The following AFF3 variants were observed in gnomAD, a reference collection of about 807,000 sequenced individuals.
AFF3 encodes the protein ALF transcription elongation factor 3, also known as AF4/FMR2 family member 3.
In AFF3, 32 loss-of-function variants were observed where a neutral mutation model predicts 129.7. The ratio of observed to expected loss-of-function variants is 0.25; its 90% CI spans 0.19 to 0.33. The LOEUF (loss-of-function observed/expected upper bound fraction) is 0.33, where lower values mean the gene tolerates loss of function less well. Among genes scored for constraint, AFF3 ranks in the 10% least tolerant of loss-of-function variants. AFF3 has a pLI of 1.00. For synonymous variants in AFF3, 644 were observed against 635.4 expected (o/e 1.01, Z -0.20); for missense variants, 1,373 against 1,592.0 (o/e 0.86, Z 2.34).
chr2:99,911,184 G>A (rs998810177), intron 7 of AFF3, among the ~76,000 whole-genome samples: 4 of 152,076 alleles, frequency 2.6e-5, no homozygotes, highest in African/African-American at 9.7e-5. Flanking sequence ...TTTGACAATC[G>A]ATTGACCTGT....
chr2:99,799,075 C>A (rs1685747899), intron 8 of AFF3, among the ~76,000 whole-genome samples: 1 of 151,874 alleles, frequency 6.6e-6, no homozygotes. Context: ...ATGCCAGCAA[C>A]TAGTAAATAT....
intron 4 of AFF3, among the ~76,000 whole-genome samples, chr2:100,022,421 T>C (rs1343369388): frequency 6.6e-6 from 1 of 152,170 alleles, no homozygotes. Context: ...CCCACTTTTT[T>C]TTCGGGGGAG....
At chr2:99,762,497 A>G (rs1292781241) in intron 8 of AFF3, among the ~76,000 whole-genome samples, 1 of 152,214 alleles carries the variant, frequency 6.6e-6, no homozygotes, top group African/African-American at 2.4e-5. Flanking sequence ...CACTATCAGA[A>G]TATTTTTAAA....
At chr2:100,040,488 A>T (rs559208671) in intron 4 of AFF3, among the ~76,000 whole-genome samples, 5 of 152,322 alleles carry the variant, frequency 3.3e-5, no homozygotes, top group Non-Finnish European at 7.4e-5. Flanking sequence ...GGAAAACAAG[A>T]TCATGAATCC....
rs761561601 is a variant in AFF3, at chr2:99,601,468, C to G, written c.1338G>C (p.Glu446Asp). 31 of 1,609,158 alleles carry G rather than the reference C, an allele frequency of 1.9e-5. No individual in the cohort carries two copies. Among genetic ancestry groups the G allele is most frequent in the Non-Finnish European group, 2.6e-5 (31 of 1,177,638 alleles). ...TGGAGAAGTGGGGGGGCTTGCTGCC[C>G]TCACTCTCGCTGGAGCTGCTCTCGG... Reference protein sequence around the residue: ...SETESSSSESEGSKPPHFSSP... With the variant: ...SETESSSSESDGSKPPHFSSP... Residue 446 changes from glutamate (E) to aspartate (D), a missense_variant, in exon 14 of 25, where the codon GAG (glutamate) becomes GAC (aspartate). By Grantham distance (45) the Glu-to-Asp change is conservative (BLOSUM62 2). This residue lies in a region of AFF3 where 413 missense variants were observed against 424.4 expected (regional missense o/e 0.97). Transcript: ENST00000672756.
chr2:99,812,118 A>G (rs1686836775), intron 8 of AFF3, among the ~76,000 whole-genome samples: 1 of 152,164 alleles, frequency 6.6e-6, no homozygotes, highest in Non-Finnish European at 1.5e-5. Flanking sequence ...GCCCAATGCA[A>G]AGAGATGCCC....
chr2:99,674,307 G>T (rs924472856), intron 11 of AFF3, among the ~76,000 whole-genome samples: 1 of 152,192 alleles, frequency 6.6e-6, no homozygotes, highest in Non-Finnish European at 1.5e-5. Flanking sequence ...ACCTCTTGGT[G>T]ATTTATTAGA....
At chr2:100,111,383 CT>C (rs759924332) in intron 2 of AFF3, among the ~76,000 whole-genome samples, 79 of 152,386 alleles carry the variant, frequency 5.2e-4, no homozygotes, top group Admixed American at 7.8e-4. Context: ...ATCTTGACTA[CT>C]TCTGAGTTCA....
chr2:99,772,651 T>C (rs1466162812), intron 8 of AFF3, among the ~76,000 whole-genome samples: 1 of 152,204 alleles, frequency 6.6e-6, no homozygotes, highest in African/African-American at 2.4e-5. Context: ...CCTGAAGTGA[T>C]ATGGCTAAGC....
chr2:99,910,137 T>TC (rs1449605639), intron 7 of AFF3, among the ~76,000 whole-genome samples: 1 of 152,180 alleles, frequency 6.6e-6, no homozygotes, highest in Non-Finnish European at 1.5e-5. Context: ...TACAATGCTA[T>TC]CCCCTGCCTC....
At chr2:100,022,086 G>A (rs553232564) in intron 4 of AFF3, among the ~76,000 whole-genome samples, 14 of 152,248 alleles carry the variant, frequency 9.2e-5, no homozygotes, top group African/African-American at 3.4e-4. Flanking sequence ...GAATTCCACA[G>A]TTCTATAATT....
At chr2:99,649,605 C>A (rs367754861) in intron 13 of AFF3, 21 bp downstream of exon 13, 20 of 1,611,860 alleles carry the variant, frequency 1.2e-5, no homozygotes, top group Non-Finnish European at 1.6e-5. Context: ...ATTTATAGTT[C>A]ATAAAAATGA....
intron 7 of AFF3, among the ~76,000 whole-genome samples, chr2:99,970,666 C>T (rs1191742325): frequency 6.6e-6 from 1 of 152,214 alleles, no homozygotes; most frequent in African/African-American, 2.4e-5. Flanking sequence ...CACGTCCAAG[C>T]CTCTAACCCT....
chr2:99,582,376 C>A (rs1677655716), intron 17 of AFF3, among the ~76,000 whole-genome samples: 1 of 152,070 alleles, frequency 6.6e-6, no homozygotes, highest in Admixed American at 6.5e-5. Flanking sequence ...ACTGCAGCTG[C>A]GACACTGGCC....
chr2:99,898,679 C>G lies in AFF3; in HGVS notation c.874-61155G>C, dbSNP rs561062277. ...TCGCCTCTGGCCCACCTGCTGCACCCGGATACTGAGGAAGCCCATTCCCCA... is the reference window on the plus strand; with the variant it reads ...TCGCCTCTGGCCCACCTGCTGCACCGGGATACTGAGGAAGCCCATTCCCCA... On this transcript the variant is annotated intron_variant, in intron 7 of 24. Coordinates refer to ENST00000672756, the MANE Select transcript of AFF3 (RefSeq NM_001386135.1). Among the ~76,000 whole-genome samples, 3 of 152,294 alleles carry G rather than the reference C, an allele frequency of 2.0e-5. No individual in the cohort carries two copies. The East Asian group carries it at 5.8e-4, about 29-fold the overall frequency.
chr2:99,569,209 TA>T (rs35793382), intron 18 of AFF3, among the ~76,000 whole-genome samples: 4 of 151,096 alleles, frequency 2.6e-5, no homozygotes, highest in African/African-American at 7.3e-5. Flanking sequence ...ATTGTATGGT[TA>T]AAAAAAAAGC....
chr2:99,875,169 A>G (rs1479720310), intron 7 of AFF3, among the ~76,000 whole-genome samples: 2 of 152,064 alleles, frequency 1.3e-5, no homozygotes, highest in Non-Finnish European at 1.5e-5. Flanking sequence ...CTTGTCCTGT[A>G]CCATCTCCTT....
chr2:99,772,802 C>T (rs1018330552), intron 8 of AFF3, among the ~76,000 whole-genome samples: 2 of 152,100 alleles, frequency 1.3e-5, no homozygotes, highest in African/African-American at 2.4e-5. Context: ...AAAGAAGGGG[C>T]GACTGCAGCT....
At chr2:99,728,067 G>A (rs575183620) in intron 10 of AFF3, among the ~76,000 whole-genome samples, 40 of 152,298 alleles carry the variant, frequency 2.6e-4, no homozygotes, top group Non-Finnish European at 4.7e-4. Flanking sequence ...AGGAATTAAC[G>A]AGTTGTACGT....
Sources: gnomAD v4.1 joint callset for allele counts (sites outside exome capture counted in the v4.1 genomes callset) on GRCh38, gnomAD v4.1.1 for gene constraint, gnomAD v4.1.1 regional missense constraint, MANE v1.5 for transcripts, NCBI Gene and HGNC (gene_info 2026-07-23, HGNC 2026-07-21) for gene names.